LUZP2: variants seen among roughly 807,000 people sequenced by gnomAD.
LUZP2 encodes the protein leucine zipper protein 2.
In LUZP2, 52 loss-of-function variants were observed where a neutral mutation model predicts 51.6. The ratio of observed to expected loss-of-function variants is 1.01; its 90% CI spans 0.81 to 1.27. The LOEUF is 1.27. LUZP2 is among the 50% of genes most tolerant of loss of function. LUZP2 has a pLI of 0.00. For synonymous variants in LUZP2, 154 were observed against 137.3 expected, an observed-to-expected ratio of 1.12 and a Z score of -0.85; for missense variants, 436 against 395.4, an observed-to-expected ratio of 1.10 and a Z score of -0.87.
At chr11:24,930,676 T>G (rs1255390173) in intron 7 of LUZP2, among the ~76,000 whole-genome samples, 1 of 152,164 alleles carries the variant, frequency 6.6e-6, no homozygotes, top group East Asian at 1.9e-4. Context: ...CATCTCGACT[T>G]TAGATAACCT....
At chr11:24,926,423 G>A (rs1449209531) in intron 7 of LUZP2, among the ~76,000 whole-genome samples, 4 of 108,206 alleles carry the variant, frequency 3.7e-5, no homozygotes, top group Admixed American at 1.0e-4. Context: ...GTATATATAT[G>A]TGTGTATATA....
chr11:24,833,082 A>T (rs1257022850), intron 5 of LUZP2, among the ~76,000 whole-genome samples: 1 of 152,204 alleles, frequency 6.6e-6, no homozygotes, highest in Non-Finnish European at 1.5e-5. Context: ...ACATTCTGTA[A>T]AAATCTACTT....
chr11:24,822,025 G>T lies in LUZP2; in HGVS notation c.396+58717G>T, dbSNP rs200790850. 9.1e-4 allele frequency among the ~76,000 whole-genome samples: 131 copies of T among 143,172 alleles called. 1 individual carries two copies. The highest frequency in any genetic ancestry group is 6.5e-3 in the East Asian group (32 of 4,940). The allele number at this position is 143,172 out of a possible 152,430, so 93.9% of individuals were successfully genotyped here. A position where few individuals can be genotyped will look rare whatever the true frequency, so the allele number is the denominator to read the frequency against. On this transcript the variant is annotated intron_variant, in intron 5 of 11. Transcript: ENST00000336930. ...ACAGTTTACTTAATATTATGCAGGG[G>T]TTTTTTTTTTTGGCCTTTGAATAAT... is the stretch of plus-strand genomic sequence containing the variant.
At chr11:24,526,275 A>G (rs1850800539) in intron 1 of LUZP2, among the ~76,000 whole-genome samples, 1 of 151,134 alleles carries the variant, frequency 6.6e-6, no homozygotes, top group Non-Finnish European at 1.5e-5. Context: ...CAAAAAAAAA[A>G]AAAGCTCAAG....
intron 5 of LUZP2, among the ~76,000 whole-genome samples, chr11:24,867,466 T>C (rs1432939694): frequency 1.3e-5 from 2 of 152,186 alleles, no homozygotes; most frequent in African/African-American, 4.8e-5. Context: ...ACGCTCTGCC[T>C]CTGGTTTTCT....
chr11:24,813,380 C>A (rs2134140255), intron 5 of LUZP2, among the ~76,000 whole-genome samples: 1 of 152,270 alleles, frequency 6.6e-6, no homozygotes, highest in East Asian at 1.9e-4. Flanking sequence ...GTTCTGCAAT[C>A]TGTACAGAAA....
At chr11:24,617,865 TA>T (rs1854342978) in intron 1 of LUZP2, among the ~76,000 whole-genome samples, 5 of 151,962 alleles carry the variant, frequency 3.3e-5, no homozygotes, top group African/African-American at 1.2e-4. Flanking sequence ...AATAAATAAA[TA>T]AATTAAATAA....
At chr11:24,840,343 A>C (rs190417623) in intron 5 of LUZP2, among the ~76,000 whole-genome samples, 15 of 152,030 alleles carry the variant, frequency 9.9e-5, no homozygotes, top group Middle Eastern at 3.4e-3. Flanking sequence ...TTATATAGGA[A>C]ACATTTGACA....
chr11:24,970,213 C>A (rs1251860168), intron 7 of LUZP2, among the ~76,000 whole-genome samples: 1 of 152,130 alleles, frequency 6.6e-6, no homozygotes. Flanking sequence ...TCAGCCAAGA[C>A]AAATAAGTTT....
intron 1 of LUZP2, among the ~76,000 whole-genome samples, chr11:24,667,741 C>A (rs1856264458): frequency 6.6e-6 from 1 of 152,144 alleles, no homozygotes; most frequent in Non-Finnish European, 1.5e-5. Flanking sequence ...AATATACCAT[C>A]TGGGTAAACA....
At chr11:24,902,164 C>A (rs1235501547) in intron 5 of LUZP2, among the ~76,000 whole-genome samples, 1 of 152,076 alleles carries the variant, frequency 6.6e-6, no homozygotes, top group African/African-American at 2.4e-5. Flanking sequence ...ATTAGGTTCA[C>A]GAGTACATGT....
At chr11:24,752,373 A>G (rs1337644253) in intron 4 of LUZP2, among the ~76,000 whole-genome samples, 1 of 152,188 alleles carries the variant, frequency 6.6e-6, no homozygotes, top group Non-Finnish European at 1.5e-5. Flanking sequence ...ATAAACTGGC[A>G]TTCAAATGTT....
intron 5 of LUZP2, among the ~76,000 whole-genome samples, chr11:24,904,667 T>G (rs1853391034): frequency 6.6e-6 from 1 of 152,218 alleles, no homozygotes; most frequent in Admixed American, 6.5e-5. Context: ...GTAACCTTTG[T>G]CAGCTGAGTA....
At chr11:24,577,715 G>A (rs1852700236) in intron 1 of LUZP2, among the ~76,000 whole-genome samples, 1 of 152,046 alleles carries the variant, frequency 6.6e-6, no homozygotes, top group Non-Finnish European at 1.5e-5. Flanking sequence ...GTATATACAT[G>A]TTTATTCTAA....
intron 1 of LUZP2, among the ~76,000 whole-genome samples, chr11:24,617,147 T>G (rs2133898073): frequency 6.6e-6 from 1 of 152,336 alleles, no homozygotes; most frequent in Admixed American, 6.5e-5. Context: ...GAGGCTATGC[T>G]ATTTTTTCAT....
chr11:24,581,977 G>T (rs990482570), intron 1 of LUZP2, among the ~76,000 whole-genome samples: 2 of 151,926 alleles, frequency 1.3e-5, no homozygotes, highest in African/African-American at 2.4e-5. Flanking sequence ...CCTAAGCACC[G>T]CCACCTCCTC....
At position 24,555,168 on chromosome 11, in the gene LUZP2, T is replaced by C. The variant is rs140520684; in HGVS notation, c.62+57863T>C. On this transcript the variant is annotated intron_variant, in intron 1 of 11. Coordinates refer to ENST00000336930, the MANE Select transcript of LUZP2 (RefSeq NM_001009909.4). ...AAATATTTGATGAAAAAGCTGGGCA[T>C]GTTTAGCCTAGAATATGGGAGATTT... Among the ~76,000 whole-genome samples, 573 of 152,154 alleles carry C rather than the reference T, an allele frequency of 3.8e-3. 3 individuals carry two copies. Among genetic ancestry groups the C allele is most frequent in the Non-Finnish European group, 6.5e-3 (440 of 68,016 alleles).
chr11:24,848,995 G>C (rs1032184383), intron 5 of LUZP2, among the ~76,000 whole-genome samples: 1 of 151,972 alleles, frequency 6.6e-6, no homozygotes, highest in Non-Finnish European at 1.5e-5. Context: ...AAGTGGGGAA[G>C]GTATAAAGCC....
At chr11:24,556,853 G>T (rs1851883174) in intron 1 of LUZP2, among the ~76,000 whole-genome samples, 1 of 152,024 alleles carries the variant, frequency 6.6e-6, no homozygotes, top group Non-Finnish European at 1.5e-5. Flanking sequence ...AAGCATACAT[G>T]ACACACACAT....
Sources: allele counts gnomAD v4.1 joint callset (sites outside exome capture counted in the v4.1 genomes callset), GRCh38; gene constraint gnomAD v4.1.1; transcripts MANE v1.5; gene names NCBI Gene and HGNC (gene_info 2026-07-23, HGNC 2026-07-21).